Variants in MYH8 observed in about 807,000 individuals in gnomAD.
The protein encoded by MYH8 is myosin-8.
Under a neutral mutation model 233.2 loss-of-function variants are expected in MYH8, and 168 were observed. The ratio of observed to expected loss-of-function variants is 0.72; its 90% CI spans 0.64 to 0.82. MYH8 has a LOEUF of 0.82. MYH8 is among the 40% of genes least tolerant of loss of function. The pLI is 0.00. For synonymous variants in MYH8, 785 were observed against 850.6 expected, an observed-to-expected ratio of 0.92 and a Z score of 1.34; for missense variants, 1,995 against 2,327.8, an observed-to-expected ratio of 0.86 and a Z score of 2.94.
In MYH8 at chr17:10,399,602, T is replaced by C. The variant is rs2072115603; in HGVS notation, c.3803A>G (p.Glu1268Gly). 1.2e-6 allele frequency: 2 copies of C among 1,614,160 alleles called. No homozygotes were observed. The highest frequency in any genetic ancestry group is 4.5e-5 in the East Asian group (2 of 44,880). ...QVSELKTKEE[E>G]QQRLINDLTA... is the part of the protein sequence containing the mutation. ...GAGGTCATTGATCAGCCGCTGCTGC[T>C]CCTCTTCCTTGGTCTTAAGCTCACT... Residue 1268 changes from glutamate (E) to glycine (G), a missense_variant, in exon 28 of 40, where the codon GAG (glutamate) becomes GGG (glycine). Glu to Gly is a moderately conservative substitution (Grantham distance 98). Coordinates refer to ENST00000403437, the MANE Select transcript of MYH8 (RefSeq NM_002472.3).
chr17:10,409,229 T>C (rs2072221836), intron 16 of MYH8, 50 bp downstream of exon 16: 1 of 1,613,356 alleles, frequency 6.2e-7, no homozygotes, highest in South Asian at 1.1e-5. Context: ...ACATGTATTA[T>C]AACATTATGT....
Position 10,400,456 on chromosome 17 carries a change from C to T in MYH8, c.3669G>A (p.Glu1223=). The T allele has an allele frequency of 6.2e-7, 1 of 1,614,016 alleles. No individual in the cohort carries two copies. Among genetic ancestry groups the T allele is most frequent in the Non-Finnish European group, 8.5e-7 (1 of 1,179,952 alleles). ...LQRVKQKLEK[E]KSELKMETDD... The stretch of plus-strand genomic sequence containing the variant: ...CAGTCTCCATCTTCAGCTCACTCTT[C>T]TCCTTCTCCAGCTTCTGTTTGACCC... The change falls in exon 27 of 40, where the codon GAG becomes GAA. Residue 1223 remains glutamate, a synonymous_variant. Transcript: ENST00000403437. This position sits in a 1 kb window ranked among gnomAD's most constrained non-coding sequence, Gnocchi z 4.0.
chr17:10,393,001 C>T lies in MYH8; in HGVS notation c.5293G>A (p.Ala1765Thr), dbSNP rs749692404. The change falls in exon 37 of 40, where the codon GCT becomes ACT. Residue 1765 changes from alanine to threonine, a missense_variant and splice_region_variant. By Grantham distance (58) the Ala-to-Thr change is moderately conservative. Transcript: ENST00000403437. ...EEKAKKAITD[A>T]AMMAEELKKE... ...TTCAGCTCCTCAGCCATCATGGCAG[C>T]CTATTTAGGAAATAAATTAAGAAAG... 2.0e-5 allele frequency: 33 copies of T among 1,614,044 alleles called. No homozygotes were observed. The highest frequency in any genetic ancestry group is 2.3e-5 in the Non-Finnish European group (27 of 1,180,042).
In MYH8 at chr17:10,412,510, C is replaced by A. The variant is rs1056398923; in HGVS notation, c.1276G>T (p.Ala426Ser). The A allele has an allele frequency of 1.9e-6, 3 of 1,614,226 alleles. No homozygotes were observed. Among genetic ancestry groups the A allele is most frequent in the East Asian group, 2.2e-5 (1 of 44,888 alleles). The change falls in exon 14 of 40, where the codon GCG (alanine) becomes TCG (serine). Residue 426 changes from alanine (A) to serine (S), a missense_variant. Physicochemically the swap from Ala to Ser is moderately conservative, Grantham distance 99. Coordinates refer to ENST00000403437, the MANE Select transcript of MYH8 (RefSeq NM_002472.3). The part of the protein sequence containing the change: ...KGQTVQQVYN[A>S]VGALAKAVYE... ...ACGGCTTTGGCCAGAGCACCCACCG[C>A]ATTGTACACCTTCACAGATAGAGTA...
At position 10,400,335 on chromosome 17, in the gene MYH8, G is replaced by A. The variant is rs1409264854; in HGVS notation, c.3735+55C>T. The A allele has an allele frequency of 1.3e-6, 2 of 1,597,524 alleles. No individual in the cohort carries two copies. The highest frequency in any genetic ancestry group is 8.5e-7 in the Non-Finnish European group (1 of 1,173,466). On this transcript the variant is annotated intron_variant, in intron 27 of 39. Coordinates refer to ENST00000403437, the MANE Select transcript of MYH8 (RefSeq NM_002472.3). The surrounding 1 kb of genome is among the most constrained non-coding windows in gnomAD (Gnocchi z 4.0). ...CCTGCAAACAATGTTTAGTGATAGA[G>A]AATAATGGGTGTTCTTACAGATGAT...
chr17:10,398,738 T>C (rs1473107586), intron 29 of MYH8, 30 bp downstream of exon 29: 1 of 1,613,904 alleles, frequency 6.2e-7, no homozygotes, highest in Admixed American at 1.7e-5. Flanking sequence ...TTAGATTTGG[T>C]TAGTCAAAAA....
rs202234534 is a variant in MYH8 at position 10,392,642 on chromosome 17, C to T, written c.5468G>A (p.Arg1823His). 1.2e-5 allele frequency: 19 copies of T among 1,614,052 alleles called. No homozygotes were observed. The highest frequency in any genetic ancestry group is 1.6e-4 in the Middle Eastern group (1 of 6,084). ...KQIQKLEARV[R>H]ELEGEVENEQ... ...ATTTTCAACCTCTCCTTCAAGCTCA[C>T]GTACCTGCAGCCAAGAAAAATACTT... is the stretch of plus-strand genomic sequence containing the variant. The change falls in exon 38 of 40, where the codon CGT becomes CAT. Residue 1823 changes from arginine (R) to histidine (H), a missense_variant. This residue lies in a region of MYH8 where 1,498 missense variants were observed against 1,680.9 expected (regional missense o/e 0.89). Transcript: ENST00000403437.
At position 10,400,093 on chromosome 17, in the gene MYH8, C is replaced by G. The variant is rs1312891200; in HGVS notation, c.3735+297G>C. 6.6e-6 allele frequency among the ~76,000 whole-genome samples: 1 copy of G among 152,238 alleles called. No individual in the cohort carries two copies. Among genetic ancestry groups the G allele is most frequent in the South Asian group, 2.1e-4 (1 of 4,828 alleles). ...TGGCGGGCGCCTGTAGTCCCAGCTA[C>G]TGGGGAGGCTGAGGCAGGAGAGTGG... On this transcript the variant is annotated intron_variant, in intron 27 of 39. Transcript: ENST00000403437. This position sits in a 1 kb window ranked among gnomAD's most constrained non-coding sequence, Gnocchi z 4.0.
At position 10,400,575 on chromosome 17, in the gene MYH8, C is replaced by T. The variant is rs372242216; in HGVS notation, c.3550G>A (p.Ala1184Thr). Reference sequence around the variant, plus strand: ...ACCATAGCTTCATGCTGCAGGGTGGCCTCCTCCAGGTCCCTGCGCAGTTTC... The same window carrying T: ...ACCATAGCTTCATGCTGCAGGGTGGTCTCCTCCAGGTCCCTGCGCAGTTTC... The part of the protein sequence containing the change: ...FQKLRRDLEE[A>T]TLQHEAMVAA... The change falls in exon 27 of 40, where the codon GCC becomes ACC. Residue 1184 changes from alanine (A) to threonine (T), a missense_variant. Transcript: ENST00000403437. The surrounding 1 kb of genome is among the most constrained non-coding windows in gnomAD (Gnocchi z 4.0). 18 of 1,614,212 alleles carry T rather than the reference C, an allele frequency of 1.1e-5. No homozygotes were observed. Among genetic ancestry groups the T allele is most frequent in the Non-Finnish European group, 1.4e-5 (17 of 1,180,046 alleles).
rs1411760484 is a variant in MYH8 at position 10,417,434 on chromosome 17, G to A, written c.511+1211C>T. ...TGTTTTCTAGTATAAGTAAAACCGT[G>A]GAAGATTATATCACATCTAGTGGAA... On this transcript the variant is annotated intron_variant, in intron 5 of 39. Transcript: ENST00000403437. The surrounding 1 kb of genome is among the most constrained non-coding windows in gnomAD (Gnocchi z 4.1). 6.6e-6 allele frequency among the ~76,000 whole-genome samples: 1 copy of A among 152,164 alleles called. No homozygotes were observed. The highest frequency in any genetic ancestry group is 1.9e-4 in the East Asian group (1 of 5,200).
Position 10,390,360 on chromosome 17 carries a change from C to A in MYH8, c.*94G>T. 6.6e-7 allele frequency: 1 copy of A among 1,510,014 alleles called. No individual in the cohort carries two copies. Among genetic ancestry groups the A allele is most frequent in the Non-Finnish European group, 9.2e-7 (1 of 1,087,666 alleles). The allele number at this position is 1,510,014 out of a possible 1,614,324, so 93.5% of individuals were successfully genotyped here. Reference sequence around the variant, plus strand: ...TTTACTGTAGTTTTTATTTATTCAGCTTTAACAGGAAAATAAACGTCATAA... The same window carrying A: ...TTTACTGTAGTTTTTATTTATTCAGATTTAACAGGAAAATAAACGTCATAA... On this transcript the variant is annotated 3_prime_UTR_variant, in exon 40 of 40. Coordinates refer to ENST00000403437, the MANE Select transcript of MYH8 (RefSeq NM_002472.3).
intron 5 of MYH8, among the ~76,000 whole-genome samples, chr17:10,416,189 A>G (rs2072288673): frequency 6.6e-6 from 1 of 152,170 alleles, no homozygotes. Context: ...TACCTCATGT[A>G]AGAGGAATCA....
Position 10,419,175 on chromosome 17 carries a change from A to G in MYH8, c.211-145T>C. The G allele has an allele frequency of 1.0e-6, 1 of 992,774 alleles. No individual in the cohort carries two copies. The highest frequency in any genetic ancestry group is 2.7e-5 in the East Asian group (1 of 37,462). 61.5% of individuals were successfully genotyped at this position (992,774 alleles called of 1,614,324 possible). ...CTGCTTCAAGTGATTGTCCTGCCTC[A>G]GCCTTCTGAGTAGCTGGGATTGCAA... is the stretch of plus-strand genomic sequence containing the variant. On this transcript the variant is annotated intron_variant, in intron 3 of 39. Coordinates refer to ENST00000403437, the MANE Select transcript of MYH8 (RefSeq NM_002472.3). This position sits in a 1 kb window ranked among gnomAD's most constrained non-coding sequence, Gnocchi z 4.0.
Position 10,391,966 on chromosome 17 carries a change from A to G in MYH8, c.5580T>C (p.Asp1860=), listed in dbSNP as rs2142166126. The G allele has an allele frequency of 6.2e-7, 1 of 1,614,036 alleles. No individual in the cohort carries two copies. The highest frequency in any genetic ancestry group is 8.5e-7 in the Non-Finnish European group (1 of 1,179,904). ...VKELTYQTEE[D]RKNVLRLQDL... ...CCTGCAGCCTGAGAACATTCTTGCGATCTTCTTCAGTCTGAAAGTTTGAAA... is the reference window on the plus strand; with the variant it reads ...CCTGCAGCCTGAGAACATTCTTGCGGTCTTCTTCAGTCTGAAAGTTTGAAA... The change falls in exon 39 of 40, where the codon GAT becomes GAC. Residue 1860 remains aspartate (D), a synonymous_variant. Transcript: ENST00000403437.
In MYH8 at chr17:10,406,088, A is replaced by G. The variant is rs1189414106; in HGVS notation, c.2385T>C (p.Cys795=). ...ATTCTACCCTCATTAGGAATCCCCT[A>G]CAGACAGCTTGTGTTCTTGTTATAA... ...AQIITRTQAV[C]RGFLMRVEYQ... is the part of the protein sequence containing the mutation. The change falls in exon 21 of 40, where the codon TGT becomes TGC. Residue 795 remains cysteine, a synonymous_variant. Transcript: ENST00000403437. 2 of 1,614,134 alleles carry G rather than the reference A, an allele frequency of 1.2e-6. No individual in the cohort carries two copies. The highest frequency in any genetic ancestry group is 1.7e-6 in the Non-Finnish European group (2 of 1,179,996).
At chr17:10,404,233 A>T (rs2072167444) in intron 22 of MYH8, 97 bp downstream of exon 22, 2 of 1,502,974 alleles carry the variant, frequency 1.3e-6, no homozygotes, top group Non-Finnish European at 1.8e-6. Context: ...GCAACTTGAG[A>T]TTTTTTTTCA....
rs534224490 is a variant in MYH8 at position 10,403,194 on chromosome 17, C to G, written c.2688+1136G>C. On this transcript the variant is annotated intron_variant, in intron 22 of 39. Coordinates refer to ENST00000403437, the MANE Select transcript of MYH8 (RefSeq NM_002472.3). ...CTAAGTTATGCCACATTTGCCTTGT[C>G]CATTCCATTTGTGGCCCTCTCCCCT... 2.0e-5 allele frequency among the ~76,000 whole-genome samples: 3 copies of G among 152,256 alleles called. No homozygotes were observed. The South Asian group carries it at 6.2e-4, about 32-fold the overall frequency.
chr17:10,390,638 G>C (rs1182220858), intron 39 of MYH8, 35 bp from the exon 40 acceptor site: 4 of 1,608,310 alleles, frequency 2.5e-6, no homozygotes, highest in Non-Finnish European at 3.4e-6. Flanking sequence ...GAATTAGACT[G>C]TGTGGTTCTC....
intron 15 of MYH8, among the ~76,000 whole-genome samples, chr17:10,410,236 G>A (rs1461119395): frequency 6.6e-6 from 1 of 152,160 alleles, no homozygotes; most frequent in East Asian, 1.9e-4. Flanking sequence ...CCTTGGGGTT[G>A]AGGCTTCAGT....
Sources: gnomAD v4.1 joint callset for allele counts (sites outside exome capture counted in the v4.1 genomes callset) on GRCh38, gnomAD v4.1.1 for gene constraint, gnomAD v4.1.1 regional missense constraint, Gnocchi (gnomAD v3.1) non-coding constraint, MANE v1.5 for transcripts, NCBI Gene and HGNC (gene_info 2026-07-23, HGNC 2026-07-21) for gene names.